The following LDAF1 variants were observed in gnomAD, a reference collection of about 807,000 sequenced individuals.
The protein encoded by LDAF1 is lipid droplet assembly factor 1.
Under a neutral mutation model 13.5 loss-of-function variants are expected in LDAF1, and 7 were observed. The ratio of observed to expected loss-of-function variants is 0.52; its 90% confidence interval spans 0.29 to 0.97. The LOEUF (loss-of-function observed/expected upper bound fraction) is 0.97. Among genes scored for constraint, LDAF1 ranks in the 50% least tolerant of loss-of-function variants. The pLI, the probability that LDAF1 is intolerant of heterozygous loss-of-function variation, is 0.07. For missense variants in LDAF1, 148 were observed against 193.2 expected, an observed-to-expected ratio of 0.77 and a Z score of 1.39; for synonymous variants, 69 against 77.1, an observed-to-expected ratio of 0.89 and a Z score of 0.55.
chr16:21,170,280 G>A (rs1377903886), intron 2 of LDAF1, 157 bp from the exon 3 acceptor site: 14 of 985,102 alleles, frequency 1.4e-5, no homozygotes, highest in Admixed American at 1.2e-4. Flanking sequence ...TGGGATTACA[G>A]ACATGAGCCA....
At chr16:21,179,440 C>G in intron 4 of LDAF1, 35 bp from the exon 5 acceptor site, 1 of 1,613,896 alleles carries the variant, frequency 6.2e-7, no homozygotes, top group Non-Finnish European at 8.5e-7. Flanking sequence ...TTACTGAGGC[C>G]CTAGAGCTAA....
intron 3 of LDAF1, among the ~76,000 whole-genome samples, chr16:21,171,378 C>G (rs1018167121): frequency 1.3e-5 from 2 of 152,150 alleles, no homozygotes; most frequent in Non-Finnish European, 2.9e-5. Flanking sequence ...CTAAGAGCAC[C>G]CAGGGCTGTT....
rs947114374 is a variant in LDAF1 at position 21,180,402 on chromosome 16, T to A, written c.*846T>A. On this transcript the variant is annotated 3_prime_UTR_variant, in exon 5 of 5. Transcript: ENST00000233047. The stretch of plus-strand genomic sequence containing the variant: ...CACCCGCCACCGTGCCCGGCTAGTT[T>A]TTTTTTGTATTTTTTTTAGTACAGA... The A allele has an allele frequency of 2.0e-5, 3 of 151,728 alleles. No homozygotes were observed. Among genetic ancestry groups the A allele is most frequent in the African/African-American group, 7.3e-5 (3 of 41,292 alleles). The allele number at this position is 151,728 out of a possible 1,614,324, so 9.4% of individuals were successfully genotyped here.
intron 2 of LDAF1, among the ~76,000 whole-genome samples, chr16:21,163,518 G>A (rs567811205): frequency 2.3e-3 from 356 of 152,216 alleles, no homozygotes; most frequent in African/African-American, 7.8e-3. Context: ...GGTGGTGTGC[G>A]CCTGTAATCC....
At chr16:21,168,190 T>C (rs893248800) in intron 2 of LDAF1, among the ~76,000 whole-genome samples, 1 of 151,732 alleles carries the variant, frequency 6.6e-6, no homozygotes, top group African/African-American at 2.4e-5. Flanking sequence ...GATTTTTGTA[T>C]GTTTAAAAGA....
At chr16:21,168,425 G>A (rs1162559429) in intron 2 of LDAF1, among the ~76,000 whole-genome samples, 1 of 151,644 alleles carries the variant, frequency 6.6e-6, no homozygotes, top group East Asian at 1.9e-4. Context: ...GAATAGACAA[G>A]TGATTAGCTT....
chr16:21,166,625 C>T (rs563210297), intron 2 of LDAF1, among the ~76,000 whole-genome samples: 2 of 152,360 alleles, frequency 1.3e-5, no homozygotes, highest in African/African-American at 4.8e-5. Context: ...GCAGCATACT[C>T]ACGGGTGTAC....
At chr16:21,167,642 TGTG>T (rs1158689363) in intron 2 of LDAF1, among the ~76,000 whole-genome samples, 1 of 151,096 alleles carries the variant, frequency 6.6e-6, no homozygotes, top group African/African-American at 2.4e-5. Flanking sequence ...TTTTACTTGA[TGTG>T]GTGGCAGCTG....
At chr16:21,172,602 G>A (rs1260175521) in intron 3 of LDAF1, 1 of 152,332 alleles carries the variant, frequency 6.6e-6, no homozygotes, top group East Asian at 1.9e-4. Flanking sequence ...ACTCCAGCCT[G>A]GGCAACAGAG....
intron 1 of LDAF1, chr16:21,159,260 C>T (rs1016362088): frequency 5.8e-5 from 79 of 1,369,894 alleles, no homozygotes; most frequent in Non-Finnish European, 7.9e-5. Flanking sequence ...ACTAAGTACT[C>T]GACTCCCCTC....
chr16:21,163,481 C>G (rs189815481), intron 2 of LDAF1, among the ~76,000 whole-genome samples: 46 of 152,148 alleles, frequency 3.0e-4, no homozygotes, highest in African/African-American at 1.1e-3. Context: ...CCCTTCTCTA[C>G]GAAAAATACA....
rs374923323 is a variant in LDAF1, at chr16:21,171,369, T to C, written c.265+764T>C. On this transcript the variant is annotated intron_variant, in intron 3 of 4. Coordinates refer to ENST00000233047, the MANE Select transcript of LDAF1 (RefSeq NM_001301771.2). ...GGTCCATTCCGTGGCTTCCCAGAGC[T>C]AAGAGCACCCAGGGCTGTTTATTTG... Among the ~76,000 whole-genome samples the C allele has an allele frequency of 2.8e-4, 42 of 152,336 alleles. No homozygotes were observed. In the East Asian group the frequency reaches 3.7e-3, roughly 13 times the overall value.
intron 3 of LDAF1, among the ~76,000 whole-genome samples, chr16:21,171,151 G>A (rs533876672): frequency 1.3e-5 from 2 of 152,128 alleles, no homozygotes; most frequent in African/African-American, 4.8e-5. Context: ...CAGATGCCTC[G>A]CTAGGTACTG....
Position 21,178,508 on chromosome 16 carries a change from C to T in LDAF1, c.405-967C>T, listed in dbSNP as rs996969941. 1.9e-5 allele frequency: 10 copies of T among 524,872 alleles called. No individual in the cohort carries two copies. In the African/African-American group the frequency reaches 2.1e-4, roughly 11 times the overall value. The allele number at this position is 524,872 out of a possible 1,614,324, so 32.5% of individuals were successfully genotyped here. On this transcript the variant is annotated intron_variant, in intron 4 of 4. Transcript: ENST00000233047. The stretch of plus-strand genomic sequence containing the variant: ...TTGCTTAATGAAAAACTGGAGACAG[C>T]CCAGGGCTGGTGCAGCCAGTGTGGT...
chr16:21,168,071 A>G (rs2093043491), intron 2 of LDAF1, among the ~76,000 whole-genome samples: 1 of 147,220 alleles, frequency 6.8e-6, no homozygotes, highest in South Asian at 2.3e-4. Flanking sequence ...CTGGAGTGCA[A>G]TGGCGCCATC....
intron 2 of LDAF1, among the ~76,000 whole-genome samples, chr16:21,167,206 G>T (rs551549956): frequency 3.3e-5 from 5 of 152,140 alleles, no homozygotes; most frequent in Non-Finnish European, 7.3e-5. Flanking sequence ...CTTCCAACTC[G>T]CCCTGAAAAT....
intron 2 of LDAF1, chr16:21,166,814 C>T (rs1206746387): frequency 2.6e-6 from 4 of 1,534,096 alleles, no homozygotes; most frequent in Non-Finnish European, 2.6e-6. Context: ...ACTCCCACGG[C>T]TCCTCCGCCT....
At chr16:21,172,556 A>T (rs2093099713) in intron 3 of LDAF1, among the ~76,000 whole-genome samples, 1 of 152,182 alleles carries the variant, frequency 6.6e-6, no homozygotes, top group Non-Finnish European at 1.5e-5. Context: ...GAGCCCAGGC[A>T]GTTGAGGCTG....
At chr16:21,169,087 C>A (rs761000814) in intron 2 of LDAF1, 531 of 702,298 alleles carry the variant, frequency 7.6e-4, no homozygotes, top group Non-Finnish European at 8.9e-4. Flanking sequence ...TAATGCTAAT[C>A]ACTTTAATAA....
Sources: gnomAD v4.1 joint callset for allele counts (sites outside exome capture counted in the v4.1 genomes callset) on GRCh38, gnomAD v4.1.1 for gene constraint, MANE v1.5 for transcripts, NCBI Gene and HGNC (gene_info 2026-07-23, HGNC 2026-07-21) for gene names.